The following PLEKHA3 variants were observed in gnomAD, a reference collection of about 807,000 sequenced individuals.
The protein encoded by PLEKHA3 is pleckstrin homology domain-containing family A member 3.
A neutral mutation model predicts 39.2 loss-of-function variants in PLEKHA3; 19 were observed. The ratio of observed to expected loss-of-function variants is 0.48; its 90% CI spans 0.34 to 0.71. PLEKHA3 has a LOEUF of 0.71. Ranked by LOEUF, PLEKHA3 falls within the 30% of genes least tolerant of loss-of-function variation. PLEKHA3 has a pLI of 0.01. For missense variants in PLEKHA3, 253 were observed against 359.5 expected, an observed-to-expected ratio of 0.70 and a Z score of 2.40; for synonymous variants, 97 against 118.6, an observed-to-expected ratio of 0.82 and a Z score of 1.18.
intron 7 of PLEKHA3, among the ~76,000 whole-genome samples, chr2:178,503,380 C>T (rs1297272857): frequency 1.3e-5 from 2 of 151,724 alleles, no homozygotes; most frequent in Non-Finnish European, 2.9e-5. Flanking sequence ...GTTTCTTTGC[C>T]TAGGAACAAG....
intron 1 of PLEKHA3, chr2:178,481,955 C>T (rs1040966970): frequency 6.5e-6 from 1 of 153,612 alleles, no homozygotes; most frequent in Non-Finnish European, 1.5e-5. Flanking sequence ...CTTGTGTCCA[C>T]CTGATCTTGT....
intron 7 of PLEKHA3, among the ~76,000 whole-genome samples, chr2:178,501,390 C>T (rs1685528004): frequency 6.6e-6 from 1 of 151,926 alleles, no homozygotes; most frequent in African/African-American, 2.4e-5. Context: ...CTGAGGATTG[C>T]TTTGTAAATA....
In PLEKHA3 at chr2:178,504,113, C is replaced by CTT; in HGVS notation, c.*235_*236dup. ...ATAACTTCACAGTATGAATGTGCAT[C>CTT]TTTTTTTTTTGAACAAATGATGGTG... is the stretch of plus-strand genomic sequence containing the variant. On this transcript the variant is annotated 3_prime_UTR_variant, in exon 8 of 8. Coordinates refer to ENST00000234453, the MANE Select transcript of PLEKHA3 (RefSeq NM_019091.4). 6.1e-5 allele frequency: 19 copies of CTT among 310,950 alleles called. No homozygotes were observed. Among genetic ancestry groups the CTT allele is most frequent in the South Asian group, 2.6e-4 (4 of 15,524 alleles). The allele number at this position is 310,950 out of a possible 1,614,324, so 19.3% of individuals were successfully genotyped here.
chr2:178,490,865 A>G (rs1161961909), intron 3 of PLEKHA3, 51 bp downstream of exon 3: 1 of 1,433,514 alleles, frequency 7.0e-7, no homozygotes, highest in South Asian at 1.4e-5. Context: ...AAATATAAAT[A>G]TAAATGTAAC....
At chr2:178,496,023 A>G (rs1226659887) in intron 5 of PLEKHA3, among the ~76,000 whole-genome samples, 1 of 152,174 alleles carries the variant, frequency 6.6e-6, no homozygotes, top group East Asian at 1.9e-4. Context: ...TTTAGTCACA[A>G]TGGGGTACAA....
rs1685327733 is a variant in PLEKHA3, at chr2:178,490,537, T to C, written c.158-122T>C. On this transcript the variant is annotated intron_variant, in intron 2 of 7. Coordinates refer to ENST00000234453, the MANE Select transcript of PLEKHA3 (RefSeq NM_019091.4). ...TCAGGGAGCAGCACTGCCTGCATCA[T>C]GAATGATAGTTCAATGTTTTTGGTA... 7 of 1,026,636 alleles carry C rather than the reference T, an allele frequency of 6.8e-6. No homozygotes were observed. The Admixed American group carries it at 1.9e-4, about 28-fold the overall frequency. The allele number at this position is 1,026,636 out of a possible 1,614,324, so 63.6% of individuals were successfully genotyped here. A position where few individuals can be genotyped will look rare whatever the true frequency, so the allele number is the denominator to read the frequency against.
Position 178,505,059 on chromosome 2 carries a change from C to T in PLEKHA3, c.*1172C>T, listed in dbSNP as rs1685584015. ...AATGCGTGGTTTTTGCATTCAAACA[C>T]ATCATATAATACATTGTATTTTTTA... On this transcript the variant is annotated 3_prime_UTR_variant, in exon 8 of 8. Transcript: ENST00000234453. 1 of 152,294 alleles carries T rather than the reference C, an allele frequency of 6.6e-6. No individual in the cohort carries two copies. The highest frequency in any genetic ancestry group is 3.2e-3 in the Middle Eastern group (1 of 314). 9.4% of individuals were successfully genotyped at this position (152,294 alleles called of 1,614,324 possible).
At chr2:178,481,444 T>G (rs1310214388) in intron 1 of PLEKHA3, among the ~76,000 whole-genome samples, 1 of 152,190 alleles carries the variant, frequency 6.6e-6, no homozygotes, top group Non-Finnish European at 1.5e-5. Flanking sequence ...CTCTTAGGGA[T>G]TGTCATTGAA....
At position 178,504,525 on chromosome 2, in the gene PLEKHA3, G is replaced by A. The variant is rs1470484791; in HGVS notation, c.*638G>A. The A allele has an allele frequency of 6.6e-6, 1 of 152,300 alleles. No homozygotes were observed. Among genetic ancestry groups the A allele is most frequent in the East Asian group, 1.9e-4 (1 of 5,194 alleles). The allele number at this position is 152,300 out of a possible 1,614,324, so 9.4% of individuals were successfully genotyped here. A position where few individuals can be genotyped will look rare whatever the true frequency, so the allele number is the denominator to read the frequency against. Reference sequence around the variant, plus strand: ...TTGGGTTAAAGTGTTTAATTTTTATGTATTTATTTTCTTGTTGCCTCAAAA... The same window carrying A: ...TTGGGTTAAAGTGTTTAATTTTTATATATTTATTTTCTTGTTGCCTCAAAA... On this transcript the variant is annotated 3_prime_UTR_variant, in exon 8 of 8. Coordinates refer to ENST00000234453, the MANE Select transcript of PLEKHA3 (RefSeq NM_019091.4).
chr2:178,491,920 A>C (rs2154127745), intron 3 of PLEKHA3, among the ~76,000 whole-genome samples: 1 of 152,216 alleles, frequency 6.6e-6, no homozygotes, highest in Admixed American at 6.5e-5. Context: ...GATTTATAAC[A>C]ACCCGCTCTC....
At chr2:178,486,413 G>A (rs1685251116) in intron 2 of PLEKHA3, among the ~76,000 whole-genome samples, 1 of 152,172 alleles carries the variant, frequency 6.6e-6, no homozygotes, top group Non-Finnish European at 1.5e-5. Context: ...AAAAACTAGA[G>A]CACCAGGGGA....
chr2:178,509,200 G>A lies in PLEKHA3; in HGVS notation c.*5313G>A, dbSNP rs1448097093. 1 of 152,048 alleles carries A rather than the reference G, an allele frequency of 6.6e-6. No homozygotes were observed. 9.4% of individuals were successfully genotyped at this position (152,048 alleles called of 1,614,324 possible). A position where few individuals can be genotyped will look rare whatever the true frequency, so the allele number is the denominator to read the frequency against. On this transcript the variant is annotated 3_prime_UTR_variant, in exon 8 of 8. Coordinates refer to ENST00000234453, the MANE Select transcript of PLEKHA3 (RefSeq NM_019091.4). ...TATCTTTTGGTGGTTTGGAGGTAGA[G>A]GAAATAAATTCATGTGGTTGGTTTG...
chr2:178,499,434 T>G (rs1456385138), intron 6 of PLEKHA3, among the ~76,000 whole-genome samples, 180 bp downstream of exon 6: 3 of 152,030 alleles, frequency 2.0e-5, no homozygotes, highest in Non-Finnish European at 4.4e-5. Flanking sequence ...CTGGCCTCAG[T>G]AGGTAGTCAG....
At chr2:178,499,900 G>A (rs1043101330) in intron 6 of PLEKHA3, among the ~76,000 whole-genome samples, 11 of 152,096 alleles carry the variant, frequency 7.2e-5, no homozygotes, top group Non-Finnish European at 2.9e-5. Context: ...GTACATTTTT[G>A]ATGTGTTGAG....
intron 6 of PLEKHA3, 137 bp downstream of exon 6, chr2:178,499,391 C>A: frequency 4.2e-6 from 3 of 712,838 alleles, no homozygotes; most frequent in East Asian, 2.9e-5. Context: ...TTTTATCTCT[C>A]AGTATTTATC....
rs1465539662 is a variant in PLEKHA3 at position 178,516,402 on chromosome 2, AT to A, written c.*12517del. On this transcript the variant is annotated 3_prime_UTR_variant, in exon 8 of 8. Coordinates refer to ENST00000234453, the MANE Select transcript of PLEKHA3 (RefSeq NM_019091.4). ...TATACTCTATATTTTTGTCATAAAAATTCTGCTTGTCGAAAATATTGTAGTA... is the reference window on the plus strand; with the variant it reads ...TATACTCTATATTTTTGTCATAAAAATCTGCTTGTCGAAAATATTGTAGTA... The A allele has an allele frequency of 6.6e-6, 1 of 152,142 alleles. No homozygotes were observed. The highest frequency in any genetic ancestry group is 2.4e-5 in the African/African-American group (1 of 41,434). The allele number at this position is 152,142 out of a possible 1,614,324, so 9.4% of individuals were successfully genotyped here. A position where few individuals can be genotyped will look rare whatever the true frequency, so the allele number is the denominator to read the frequency against.
At chr2:178,501,890 G>T (rs915658790) in intron 7 of PLEKHA3, among the ~76,000 whole-genome samples, 1 of 151,926 alleles carries the variant, frequency 6.6e-6, no homozygotes, top group Non-Finnish European at 1.5e-5. Flanking sequence ...TAGAAACTAT[G>T]TACAATTTCC....
At chr2:178,483,655 C>T (rs1341839790) in intron 1 of PLEKHA3, among the ~76,000 whole-genome samples, 1 of 152,122 alleles carries the variant, frequency 6.6e-6, no homozygotes, top group Non-Finnish European at 1.5e-5. Context: ...TGTATTTTCA[C>T]CACCCCCTGC....
chr2:178,498,875 A>G (rs1452155130), intron 5 of PLEKHA3, among the ~76,000 whole-genome samples: 2 of 152,018 alleles, frequency 1.3e-5, no homozygotes, highest in Non-Finnish European at 2.9e-5. Flanking sequence ...TATCACATTT[A>G]TATCTTATTT....
Sources: allele counts gnomAD v4.1 joint callset (sites outside exome capture counted in the v4.1 genomes callset), GRCh38; gene constraint gnomAD v4.1.1; transcripts MANE v1.5; gene names NCBI Gene and HGNC (gene_info 2026-07-23, HGNC 2026-07-21).